The following SHISA9 variants were observed in gnomAD, a reference collection of about 807,000 sequenced individuals.
The protein encoded by SHISA9 is shisa family member 9, also known as protein shisa-9.
Under a neutral mutation model 38.0 loss-of-function variants are expected in SHISA9, and 13 were observed. The ratio of observed to expected loss-of-function variants is 0.34; its 90% CI spans 0.22 to 0.54. The LOEUF (loss-of-function observed/expected upper bound fraction) is 0.54. Among genes scored for constraint, SHISA9 ranks in the 20% least tolerant of loss-of-function variants. The probability of loss-of-function intolerance (pLI) is 0.91; values close to 1 mark genes in which losing one functional copy is unlikely to be tolerated. For synonymous variants in SHISA9, 275 were observed against 242.0 expected (o/e 1.14, Z -1.27); for missense variants, 538 against 575.8 (o/e 0.93, Z 0.67).
At chr16:12,959,510 A>T (rs1362780510) in intron 2 of SHISA9, among the ~76,000 whole-genome samples, 1 of 152,122 alleles carries the variant, frequency 6.6e-6, no homozygotes, top group African/African-American at 2.4e-5. Context: ...AAAAGAAAAA[A>T]CTCAGGGCAG....
intron 1 of SHISA9, chr16:12,909,873 T>TCCTTCCTTCCTC: frequency 6.6e-6 from 1 of 152,180 alleles, no homozygotes; most frequent in Non-Finnish European, 1.5e-5. Flanking sequence ...CTTCCTTCCT[T>TCCTTCCTTCCTC]CGAGACACAG....
the SHISA9 span, among the ~76,000 whole-genome samples, chr16:13,487,567 C>A: frequency 6.6e-6 from 1 of 152,172 alleles, no homozygotes; most frequent in Admixed American, 6.5e-5. Context: ...GGATCTGCCC[C>A]CATGATCCAA....
At chr16:13,358,186 C>T in the SHISA9 span, among the ~76,000 whole-genome samples, 1 of 152,110 alleles carries the variant, frequency 6.6e-6, no homozygotes, top group Non-Finnish European at 1.5e-5. Context: ...TAGTGACTAT[C>T]TGGGATACTG....
chr16:13,469,385 G>GAAAGAAAGA, the SHISA9 span, among the ~76,000 whole-genome samples: 1 of 91,328 alleles, frequency 1.1e-5, no homozygotes, highest in Non-Finnish European at 2.4e-5. Flanking sequence ...AAGAAAGAAA[G>GAAAGAAAGA]AAAGAAAGAA....
At chr16:12,962,384 C>T (rs1338961141) in intron 2 of SHISA9, among the ~76,000 whole-genome samples, 1 of 152,162 alleles carries the variant, frequency 6.6e-6, no homozygotes, top group African/African-American at 2.4e-5. Flanking sequence ...TGATAGTTGC[C>T]AGGTTCACTT....
At chr16:12,988,588 G>A (rs11645005) in intron 2 of SHISA9, among the ~76,000 whole-genome samples, 27,995 of 152,056 alleles carry the variant, frequency 0.18, 3,363 homozygotes, top group Middle Eastern at 0.31. Context: ...GCAGTGGCGC[G>A]ATTTCAGCTC....
chr16:13,343,019 T>C, the SHISA9 span, among the ~76,000 whole-genome samples: 3 of 152,370 alleles, frequency 2.0e-5, no homozygotes, highest in South Asian at 6.2e-4. Context: ...TAAGAGTTAA[T>C]ATATGCAAAA....
chr16:13,354,012 C>T, the SHISA9 span, among the ~76,000 whole-genome samples: 3 of 150,244 alleles, frequency 2.0e-5, no homozygotes, highest in African/African-American at 7.3e-5. Context: ...AGGCCTCTAC[C>T]TATCCAGTGA....
At chr16:13,519,866 C>A in the SHISA9 span, among the ~76,000 whole-genome samples, 426 of 152,216 alleles carry the variant, frequency 2.8e-3, 1 homozygote, top group Non-Finnish European at 4.4e-3. Flanking sequence ...TACCTCCTAC[C>A]GGGTCCCCAT....
At chr16:13,139,359 C>T (rs1391675919) in intron 2 of SHISA9, among the ~76,000 whole-genome samples, 1 of 97,336 alleles carries the variant, frequency 1.0e-5, no homozygotes, top group Non-Finnish European at 2.0e-5. Context: ...TTCCCTCCCT[C>T]CCCTCCCTCC....
chr16:12,989,885 G>C (rs916064399), intron 2 of SHISA9, among the ~76,000 whole-genome samples: 2 of 152,002 alleles, frequency 1.3e-5, no homozygotes, highest in Non-Finnish European at 2.9e-5. Context: ...CCGTCGCCTG[G>C]GTGTGAAGCC....
the SHISA9 span, among the ~76,000 whole-genome samples, chr16:13,451,130 T>C: frequency 6.6e-6 from 1 of 152,122 alleles, no homozygotes; most frequent in African/African-American, 2.4e-5. Context: ...AATTTGTGTA[T>C]AGCTGCCCCA....
chr16:13,290,751 C>T, the SHISA9 span, among the ~76,000 whole-genome samples: 3 of 152,104 alleles, frequency 2.0e-5, no homozygotes, highest in Non-Finnish European at 2.9e-5. Flanking sequence ...AAGGCATGAG[C>T]TAGAGTCACA....
rs567854117 is a variant in SHISA9, at chr16:12,936,613, C to T, written c.691+19798C>T. 1.6e-4 allele frequency among the ~76,000 whole-genome samples: 24 copies of T among 152,332 alleles called. No homozygotes were observed. In the South Asian group the frequency reaches 2.3e-3, roughly 14 times the overall value. On this transcript the variant is annotated intron_variant, in intron 2 of 4. Coordinates refer to ENST00000558583, the MANE Select transcript of SHISA9 (RefSeq NM_001145204.3). The stretch of plus-strand genomic sequence containing the variant: ...AGACAGACTCACTTCCCACGAGCTT[C>T]TCCAGAGTGTGATTCTAGCATTTAA...
At chr16:13,410,887 T>G in the SHISA9 span, among the ~76,000 whole-genome samples, 4,701 of 152,124 alleles carry the variant, frequency 0.031, 150 homozygotes, top group African/African-American at 0.076. Flanking sequence ...TAACTGACAA[T>G]TTTTTTTCTG....
chr16:13,081,576 T>C (rs1467782136), intron 2 of SHISA9, among the ~76,000 whole-genome samples: 4 of 152,090 alleles, frequency 2.6e-5, no homozygotes, highest in African/African-American at 9.7e-5. Flanking sequence ...AATGTGTGCA[T>C]TCCCTCCTCC....
chr16:13,067,261 T>C (rs2073446310), intron 2 of SHISA9, among the ~76,000 whole-genome samples: 1 of 152,200 alleles, frequency 6.6e-6, no homozygotes, highest in South Asian at 2.1e-4. Context: ...CAGATCCTTG[T>C]TGGCCAAGAG....
intron 2 of SHISA9, among the ~76,000 whole-genome samples, chr16:12,995,354 TC>T (rs1463470536): frequency 6.6e-6 from 1 of 152,210 alleles, no homozygotes; most frequent in Admixed American, 6.5e-5. Context: ...GGCTGGTACT[TC>T]TTGAACTTTA....
chr16:12,938,688 A>AG (rs1184044044), intron 2 of SHISA9, among the ~76,000 whole-genome samples: 12 of 150,952 alleles, frequency 7.9e-5, no homozygotes, highest in Admixed American at 6.6e-4. Flanking sequence ...TTTTTAGTAG[A>AG]GAGGGGGTTT....
Sources: allele counts gnomAD v4.1 joint callset (sites outside exome capture counted in the v4.1 genomes callset), GRCh38; gene constraint gnomAD v4.1.1; transcripts MANE v1.5; gene names NCBI Gene and HGNC (gene_info 2026-07-23, HGNC 2026-07-21).